CHL1: variants seen among roughly 807,000 people sequenced by gnomAD.
CHL1 encodes the protein neural cell adhesion molecule L1-like protein.
A neutral mutation model predicts 141.9 loss-of-function variants in CHL1; 96 were observed. The observed-to-expected ratio is 0.68, with a 90% CI of 0.57 to 0.80. The LOEUF (loss-of-function observed/expected upper bound fraction) is 0.80. Ranked by LOEUF, CHL1 falls within the 30% of genes least tolerant of loss-of-function variation. The pLI is 0.00. For missense variants in CHL1, 1,820 were observed against 1,457.2 expected, an observed-to-expected ratio of 1.25 and a Z score of -4.05; for synonymous variants, 613 against 502.2, an observed-to-expected ratio of 1.22 and a Z score of -2.95.
chr3:405,700 CT>C lies in CHL1; in HGVS notation c.3666del (p.Arg1223GlyfsTer30). 6.2e-7 allele frequency: 1 copy of C among 1,612,744 alleles called. No homozygotes were observed. Among genetic ancestry groups the C allele is most frequent in the Non-Finnish European group, 8.5e-7 (1 of 1,179,046 alleles). On this transcript the variant is annotated frameshift_variant, in exon 28 of 28. Transcript: ENST00000256509. LOFTEE classifies it high-confidence loss of function. ...TGGAAGTTCTACAGCAACTTTTCCC[CT>C]TCGGGCATAAACACAACATATGTAA... ...SNGSSTATFP[L>X]RA is the part of the protein sequence containing the mutation.
At chr3:241,370 G>T (rs1692541050) in intron 1 of CHL1, among the ~76,000 whole-genome samples, 1 of 152,138 alleles carries the variant, frequency 6.6e-6, no homozygotes, top group South Asian at 2.1e-4. Flanking sequence ...AGGGTATGTT[G>T]TGTGAAAAGT....
chr3:313,295 T>C (rs1290348206), intron 2 of CHL1, among the ~76,000 whole-genome samples: 1 of 152,216 alleles, frequency 6.6e-6, no homozygotes, highest in African/African-American at 2.4e-5. Flanking sequence ...AGAAAAAATG[T>C]CAAGGATTTT....
intron 7 of CHL1, among the ~76,000 whole-genome samples, chr3:342,381 C>A (rs1190901417): frequency 6.6e-6 from 1 of 152,108 alleles, no homozygotes; most frequent in Non-Finnish European, 1.5e-5. Flanking sequence ...GTTTTCTAAG[C>A]AAATCTTGGG....
intron 1 of CHL1, among the ~76,000 whole-genome samples, chr3:223,138 G>T (rs1034173444): frequency 6.6e-6 from 1 of 152,120 alleles, no homozygotes; most frequent in African/African-American, 2.4e-5. Flanking sequence ...ACTAGGACAC[G>T]AACATCTTTG....
chr3:334,605 A>T (rs1296187817), intron 5 of CHL1, among the ~76,000 whole-genome samples: 2 of 152,218 alleles, frequency 1.3e-5, no homozygotes, highest in African/African-American at 4.8e-5. Context: ...AGCATATATC[A>T]GTAGTTTATT....
At chr3:287,167 T>A (rs1697230971) in intron 2 of CHL1, among the ~76,000 whole-genome samples, 1 of 152,020 alleles carries the variant, frequency 6.6e-6, no homozygotes, top group African/African-American at 2.4e-5. Flanking sequence ...ATTTATACTT[T>A]TCACATATGT....
chr3:384,203 GA>G (rs1707392825), intron 19 of CHL1: 1 of 181,362 alleles, frequency 5.5e-6, no homozygotes, highest in Admixed American at 5.6e-5. Context: ...AAAAAATACT[GA>G]AAATCTTTAA....
At chr3:221,822 T>C (rs1700868231) in intron 1 of CHL1, among the ~76,000 whole-genome samples, 1 of 152,366 alleles carries the variant, frequency 6.6e-6, no homozygotes, top group Non-Finnish European at 1.5e-5. Flanking sequence ...ATCCAAGATA[T>C]TAATCCATTG....
chr3:398,757 C>T (rs527690700), intron 25 of CHL1, among the ~76,000 whole-genome samples: 2 of 152,328 alleles, frequency 1.3e-5, no homozygotes, highest in African/African-American at 4.8e-5. Context: ...AGTTTAACTT[C>T]ATCTGCCTTC....
At chr3:374,191 G>C (rs1706007377) in intron 15 of CHL1, 1 of 151,956 alleles carries the variant, frequency 6.6e-6, no homozygotes, top group African/African-American at 2.4e-5. Flanking sequence ...TCTCAGCCTT[G>C]GTTCTTGATT....
At position 382,222 on chromosome 3, in the gene CHL1, G is replaced by C; in HGVS notation, c.1920G>C (p.Gln640His). The change falls in exon 17 of 28, where the codon CAG (glutamine) becomes CAC (histidine). Residue 640 changes from glutamine (Q) to histidine (H), a missense_variant. Gln to His is a conservative substitution (Grantham distance 24, BLOSUM62 0). Transcript: ENST00000256509. ...PPENLHLSER[Q>H]NRSVRLTWEA... is the part of the protein sequence containing the mutation. ...AAAACCTTCACTTGTCTGAAAGACA[G>C]AACAGGAGTGTTCGGCTGACCTGGG... The C allele has an allele frequency of 6.2e-7, 1 of 1,613,810 alleles. No individual in the cohort carries two copies. Among genetic ancestry groups the C allele is most frequent in the Non-Finnish European group, 8.5e-7 (1 of 1,179,764 alleles).
At chr3:282,313 A>C (rs1467582786) in intron 2 of CHL1, among the ~76,000 whole-genome samples, 4 of 152,216 alleles carry the variant, frequency 2.6e-5, no homozygotes, top group Non-Finnish European at 5.9e-5. Context: ...TTACTTTTAT[A>C]CTGTGTAAGC....
At chr3:298,236 A>G (rs921838138) in intron 2 of CHL1, among the ~76,000 whole-genome samples, 15 of 152,338 alleles carry the variant, frequency 9.8e-5, no homozygotes, top group African/African-American at 3.6e-4. Flanking sequence ...GAGATAATAC[A>G]ATAAGTCGAA....
intron 24 of CHL1, 77 bp from the exon 25 acceptor site, chr3:398,150 C>G: frequency 4.0e-6 from 4 of 1,006,802 alleles, no homozygotes; most frequent in Non-Finnish European, 5.6e-6. Flanking sequence ...TCTTATTCAC[C>G]TCTAACAACA....
Position 390,712 on chromosome 3 carries a change from G to A in CHL1, c.2482G>A (p.Ala828Thr). ...TCTATGATTAACAGATCCTGATACA[G>A]CTCCAGTGATCCATGGGGTGGACGT... is the stretch of plus-strand genomic sequence containing the variant. Reference protein sequence around the residue: ...LYSGEDYPDTAPVIHGVDVIN... With the variant: ...LYSGEDYPDTTPVIHGVDVIN... The change falls in exon 21 of 28, where the codon GCT becomes ACT. Residue 828 changes from alanine (A) to threonine (T), a missense_variant. Ala to Thr is a moderately conservative substitution (Grantham distance 58, BLOSUM62 0). Transcript: ENST00000256509. 6.3e-7 allele frequency: 1 copy of A among 1,577,262 alleles called. No homozygotes were observed. The highest frequency in any genetic ancestry group is 8.7e-7 in the Non-Finnish European group (1 of 1,146,606).
chr3:276,006 A>C (rs1696061651), intron 2 of CHL1, among the ~76,000 whole-genome samples: 1 of 152,002 alleles, frequency 6.6e-6, no homozygotes, highest in Non-Finnish European at 1.5e-5. Context: ...TAAGAAGGTA[A>C]TTTTTGTTCT....
At chr3:280,212 A>ATTT (rs201114993) in intron 2 of CHL1, among the ~76,000 whole-genome samples, 1 of 145,770 alleles carries the variant, frequency 6.9e-6, no homozygotes, top group African/African-American at 2.5e-5. Context: ...GAGTCTAGGC[A>ATTT]TTTTTTTTTT....
At chr3:346,702 A>T (rs1456159310) in intron 9 of CHL1, among the ~76,000 whole-genome samples, 1 of 152,176 alleles carries the variant, frequency 6.6e-6, no homozygotes, top group Non-Finnish European at 1.5e-5. Context: ...TCTTACTCAT[A>T]CTGATTTTGT....
chr3:306,978 G>T (rs1374373296), intron 2 of CHL1, among the ~76,000 whole-genome samples: 5 of 152,118 alleles, frequency 3.3e-5, no homozygotes, highest in African/African-American at 9.7e-5. Context: ...TACAACCTGA[G>T]AAATGGCCTT....
Sources: gnomAD v4.1 joint callset for allele counts (sites outside exome capture counted in the v4.1 genomes callset) on GRCh38, gnomAD v4.1.1 for gene constraint, MANE v1.5 for transcripts, NCBI Gene and HGNC (gene_info 2026-07-23, HGNC 2026-07-21) for gene names.